ERC2: variants seen among roughly 807,000 people sequenced by gnomAD.
ERC2 encodes ELKS/RAB6-interacting/CAST family member 2.
ERC2 carries 42 observed loss-of-function variants against 114.8 expected under a neutral mutation model. That is an observed-to-expected ratio of 0.37 (90% CI 0.29 to 0.47). The LOEUF is 0.47. Ranked by LOEUF, ERC2 falls within the 20% of genes least tolerant of loss-of-function variation. The pLI, the probability that ERC2 is intolerant of heterozygous loss-of-function variation, is 0.99. For missense variants in ERC2, 939 were observed against 1,150.7 expected, an observed-to-expected ratio of 0.82 and a Z score of 2.66; for synonymous variants, 454 against 425.5, an observed-to-expected ratio of 1.07 and a Z score of -0.82.
Position 55,781,820 on chromosome 3 carries a change from C to T in ERC2, c.2565-46902G>A, listed in dbSNP as rs560384762. ...CCAGGATGTGGAGGTTGCAGTGAGC[C>T]GAGATCGCCCTACTACACTCCCGCC... is the stretch of plus-strand genomic sequence containing the variant. On this transcript the variant is annotated intron_variant, in intron 14 of 17. Transcript: ENST00000288221. Among the ~76,000 whole-genome samples, 956 of 148,866 alleles carry T rather than the reference C, an allele frequency of 6.4e-3. 7 individuals are homozygous for T. The highest frequency in any genetic ancestry group is 0.023 in the African/African-American group (920 of 40,232).
At chr3:55,635,725 G>C (rs990155888) in intron 17 of ERC2, among the ~76,000 whole-genome samples, 3 of 151,662 alleles carry the variant, frequency 2.0e-5, no homozygotes, top group African/African-American at 4.8e-5. Context: ...AAAGCAACTA[G>C]AGTTCAAGTT....
At chr3:56,316,345 T>C (rs895132087) in intron 2 of ERC2, among the ~76,000 whole-genome samples, 24 of 152,228 alleles carry the variant, frequency 1.6e-4, no homozygotes, top group Non-Finnish European at 3.1e-4. Context: ...CAGTTTATAG[T>C]ATCTGCGAAG....
At chr3:55,561,052 C>A (rs182997394) in intron 17 of ERC2, among the ~76,000 whole-genome samples, 1 of 151,850 alleles carries the variant, frequency 6.6e-6, no homozygotes, top group Non-Finnish European at 1.5e-5. Context: ...ATCAATATAT[C>A]GATGGCCAAA....
At chr3:56,018,581 G>C (rs1218804865) in intron 8 of ERC2, among the ~76,000 whole-genome samples, 1 of 152,164 alleles carries the variant, frequency 6.6e-6, no homozygotes. Context: ...TGCCAGATCA[G>C]ATGGGAGAAG....
At chr3:56,456,899 T>C (rs1404191720) in intron 1 of ERC2, among the ~76,000 whole-genome samples, 1 of 152,216 alleles carries the variant, frequency 6.6e-6, no homozygotes, top group East Asian at 1.9e-4. Context: ...AGAAGATTAA[T>C]GTATGAAAGG....
intron 2 of ERC2, among the ~76,000 whole-genome samples, chr3:56,409,004 C>T (rs915913049): frequency 1.3e-5 from 2 of 152,224 alleles, no homozygotes; most frequent in African/African-American, 4.8e-5. Flanking sequence ...ATCTCTTCTA[C>T]CCATGTTGTC....
At chr3:56,290,855 G>T (rs2055038044) in intron 3 of ERC2, among the ~76,000 whole-genome samples, 1 of 152,174 alleles carries the variant, frequency 6.6e-6, no homozygotes, top group African/African-American at 2.4e-5. Context: ...AGCACAGAGG[G>T]AGGCCCAGGT....
intron 2 of ERC2, among the ~76,000 whole-genome samples, chr3:56,341,325 A>C (rs2058082084): frequency 6.6e-6 from 1 of 152,136 alleles, no homozygotes. Flanking sequence ...ACAATGTATC[A>C]CTGTTGGCTT....
chr3:55,922,927 C>T (rs747252219), intron 13 of ERC2, among the ~76,000 whole-genome samples: 7 of 151,968 alleles, frequency 4.6e-5, no homozygotes, highest in Non-Finnish European at 2.9e-5. Context: ...TGTGCATTGC[C>T]GGTGAAAAAG....
chr3:56,184,699 A>G (rs2083485523), intron 3 of ERC2, among the ~76,000 whole-genome samples: 1 of 152,182 alleles, frequency 6.6e-6, no homozygotes, highest in African/African-American at 2.4e-5. Context: ...TTATATTGCT[A>G]TCTGCAGTTG....
chr3:55,793,960 C>T (rs1190837329), intron 14 of ERC2, among the ~76,000 whole-genome samples: 1 of 152,154 alleles, frequency 6.6e-6, no homozygotes, highest in East Asian at 1.9e-4. Flanking sequence ...GCAACATAGG[C>T]ACACAGATTA....
chr3:56,434,528 C>G lies in ERC2; in HGVS notation c.480G>C (p.Glu160Asp), dbSNP rs983360633. 1.2e-6 allele frequency: 2 copies of G among 1,613,924 alleles called. No individual in the cohort carries two copies. Among genetic ancestry groups the G allele is most frequent in the Admixed American group, 1.7e-5 (1 of 60,008 alleles). The part of the protein sequence containing the change: ...LQAQLKELQR[E>D]NDLLRKELDI... ...CTAGCTCTTTCCGGAGGAGGTCATT[C>G]TCTCTCTGCAGTTCTTTCAGCTGGG... The change falls in exon 2 of 18, where the codon GAG (glutamate) becomes GAC (aspartate). Residue 160 changes from glutamate (E) to aspartate (D), a missense_variant. Physicochemically the swap from Glu to Asp is conservative, Grantham distance 45. This residue lies in a region of ERC2 where 281 missense variants were observed against 307.4 expected (regional missense o/e 0.91). Transcript: ENST00000288221.
intron 14 of ERC2, among the ~76,000 whole-genome samples, chr3:55,855,973 C>T (rs1289289852): frequency 1.3e-5 from 2 of 152,156 alleles, no homozygotes; most frequent in East Asian, 3.8e-4. Flanking sequence ...TCCATTCTTT[C>T]CTCTCTTGCC....
At chr3:56,062,680 C>T (rs111501066) in intron 7 of ERC2, among the ~76,000 whole-genome samples, 1,731 of 152,232 alleles carry the variant, frequency 0.011, 5 homozygotes, top group Middle Eastern at 0.02. Flanking sequence ...CATATGCATG[C>T]CTTTCCCTGC....
chr3:55,915,458 G>A (rs764681833), intron 13 of ERC2, among the ~76,000 whole-genome samples: 1 of 152,066 alleles, frequency 6.6e-6, no homozygotes, highest in South Asian at 2.1e-4. Context: ...ATACACCTTG[G>A]TTTCAGAAAG....
intron 10 of ERC2, among the ~76,000 whole-genome samples, chr3:56,005,070 G>A (rs1190273554): frequency 6.6e-6 from 1 of 151,940 alleles, no homozygotes; most frequent in African/African-American, 2.4e-5. Context: ...TTTAGTTAAT[G>A]CTAGACAGCC....
At chr3:55,963,041 C>T (rs1357306012) in intron 12 of ERC2, among the ~76,000 whole-genome samples, 2 of 152,206 alleles carry the variant, frequency 1.3e-5, no homozygotes, top group African/African-American at 4.8e-5. Context: ...TATTTGGGAA[C>T]ATTAGCTTTC....
chr3:55,642,858 C>CCTT (rs2060245222), intron 17 of ERC2, among the ~76,000 whole-genome samples: 1 of 152,074 alleles, frequency 6.6e-6, no homozygotes, highest in Non-Finnish European at 1.5e-5. Context: ...GCAATATTTT[C>CCTT]CTTTACTGGA....
chr3:56,246,101 A>C (rs1244492890), intron 3 of ERC2, among the ~76,000 whole-genome samples: 2 of 151,940 alleles, frequency 1.3e-5, no homozygotes, highest in East Asian at 1.9e-4. Context: ...TTTAAAAAAA[A>C]AAAAAAAAAA....
Sources: gnomAD v4.1 joint callset for allele counts (sites outside exome capture counted in the v4.1 genomes callset) on GRCh38, gnomAD v4.1.1 for gene constraint, gnomAD v4.1.1 regional missense constraint, MANE v1.5 for transcripts, NCBI Gene and HGNC (gene_info 2026-07-23, HGNC 2026-07-21) for gene names.